The following FHIT variants were observed in gnomAD, a reference collection of about 807,000 sequenced individuals.
The protein encoded by FHIT is bis(5'-adenosyl)-triphosphatase.
A neutral mutation model predicts 17.9 loss-of-function variants in FHIT; 19 were observed. That is an observed-to-expected ratio of 1.06 (90% confidence interval 0.74 to 1.56). The LOEUF (loss-of-function observed/expected upper bound fraction) is 1.56, where lower values mean the gene tolerates loss of function less well. FHIT is among the 40% of genes most tolerant of loss of function. The pLI, the probability that FHIT is intolerant of heterozygous loss-of-function variation, is 0.00. For missense variants in FHIT, 248 were observed against 189.2 expected (o/e 1.31, Z -1.82); for synonymous variants, 81 against 69.7 (o/e 1.16, Z -0.81).
chr3:59,908,883 T>C (rs949550318), intron 8 of FHIT, among the ~76,000 whole-genome samples: 5 of 135,868 alleles, frequency 3.7e-5, no homozygotes, highest in Non-Finnish European at 6.5e-5. Context: ...AAAGTAATCA[T>C]TGTTATACTT....
At chr3:60,119,991 T>G (rs1705173071) in intron 5 of FHIT, among the ~76,000 whole-genome samples, 1 of 151,684 alleles carries the variant, frequency 6.6e-6, no homozygotes, top group Non-Finnish European at 1.5e-5. Context: ...CATCAGCTGC[T>G]TCTTCCCTGC....
At chr3:60,979,968 G>C (rs749638388) in intron 3 of FHIT, among the ~76,000 whole-genome samples, 19 of 152,212 alleles carry the variant, frequency 1.2e-4, no homozygotes, top group Admixed American at 3.3e-4. Flanking sequence ...CTCATCTGCT[G>C]TTTAGAGAAA....
At chr3:60,417,556 T>A (rs1375285377) in intron 5 of FHIT, among the ~76,000 whole-genome samples, 1 of 152,160 alleles carries the variant, frequency 6.6e-6, no homozygotes, top group Non-Finnish European at 1.5e-5. Context: ...AAAGAACACA[T>A]AATTAAAAGC....
At chr3:60,512,921 A>C (rs1337889833) in intron 5 of FHIT, among the ~76,000 whole-genome samples, 1 of 152,352 alleles carries the variant, frequency 6.6e-6, no homozygotes, top group African/African-American at 2.4e-5. Context: ...AACCAAAAGC[A>C]ATTTAGGAAC....
chr3:61,020,286 C>G (rs1041659395), intron 3 of FHIT, among the ~76,000 whole-genome samples: 1 of 152,166 alleles, frequency 6.6e-6, no homozygotes, highest in Non-Finnish European at 1.5e-5. Flanking sequence ...CTCTAATGAC[C>G]AGTGATGATG....
intron 4 of FHIT, among the ~76,000 whole-genome samples, chr3:60,785,113 A>G (rs1454775087): frequency 6.6e-6 from 1 of 152,236 alleles, no homozygotes; most frequent in Non-Finnish European, 1.5e-5. Context: ...TGTAACTGGA[A>G]TGGACTCAGG....
At chr3:60,136,601 T>C (rs531352188) in intron 5 of FHIT, among the ~76,000 whole-genome samples, 1 of 152,236 alleles carries the variant, frequency 6.6e-6, no homozygotes, top group South Asian at 2.1e-4. Flanking sequence ...TTTTAGACTA[T>C]GCTCACAAAT....
intron 3 of FHIT, among the ~76,000 whole-genome samples, chr3:60,925,969 A>C (rs1345748939): frequency 3.9e-5 from 6 of 152,246 alleles, no homozygotes; most frequent in Non-Finnish European, 8.8e-5. Flanking sequence ...AGGCCATTAC[A>C]TAATGGTAAA....
At position 59,869,514 on chromosome 3, in the gene FHIT, C is replaced by T. The variant is rs1255319810; in HGVS notation, c.348+52832G>A. 5.8e-5 allele frequency among the ~76,000 whole-genome samples: 3 copies of T among 51,916 alleles called. No homozygotes were observed. In the East Asian group the frequency reaches 2.9e-3, roughly 51 times the overall value. 34.1% of individuals were successfully genotyped at this position (51,916 alleles called of 152,430 possible). ...TTTTTTTTTTTTAGACAGAGTCTCG[C>T]TCTGTCGCCCAGGCTGGAGTGCAGT... is the stretch of plus-strand genomic sequence containing the variant. On this transcript the variant is annotated intron_variant, in intron 8 of 9. Coordinates refer to ENST00000492590, the MANE Select transcript of FHIT (RefSeq NM_002012.4).
chr3:59,808,953 G>A (rs868189854), intron 8 of FHIT, among the ~76,000 whole-genome samples: 4 of 152,108 alleles, frequency 2.6e-5, no homozygotes, highest in Non-Finnish European at 4.4e-5. Flanking sequence ...ATTTTAAAAA[G>A]CAGAGAGGAA....
At chr3:60,321,533 A>G (rs213384) in intron 5 of FHIT, among the ~76,000 whole-genome samples, 110,569 of 152,010 alleles carry the variant, frequency 0.73, 41,371 homozygotes, top group African/African-American at 0.84. Flanking sequence ...TAAGAGATGC[A>G]TAATCAGGCA....
intron 4 of FHIT, among the ~76,000 whole-genome samples, chr3:60,657,244 C>A (rs563967540): frequency 6.6e-6 from 1 of 152,224 alleles, no homozygotes; most frequent in South Asian, 2.1e-4. Flanking sequence ...GAGGTGAGGA[C>A]ATTTCTTTGA....
At chr3:60,178,022 G>C (rs1701758071) in intron 5 of FHIT, among the ~76,000 whole-genome samples, 1 of 152,334 alleles carries the variant, frequency 6.6e-6, no homozygotes, top group East Asian at 1.9e-4. Context: ...GACAAGATTG[G>C]TTTCATACCT....
In FHIT at chr3:60,014,015, A is replaced by G. The variant is rs536941406; in HGVS notation, c.241T>C (p.Ser81Pro). Residue 81 changes from serine (S) to proline (P), a missense_variant, in exon 6 of 10, where the codon TCC (serine) becomes CCC (proline). By Grantham distance (74) the Ser-to-Pro change is moderately conservative. Transcript: ENST00000492590. ...KHFHGTSLTF[S>P]MQDGPEAGQT... ...GAAATCTGTACACTCACCTGCATGG[A>G]AAAGGTGAGAGAGGTCCCATGGAAA... The G allele has an allele frequency of 6.2e-7, 1 of 1,613,442 alleles. No homozygotes were observed. Among genetic ancestry groups the G allele is most frequent in the African/African-American group, 1.3e-5 (1 of 75,032 alleles).
intron 5 of FHIT, among the ~76,000 whole-genome samples, chr3:60,482,625 C>T (rs1379085893): frequency 6.6e-6 from 1 of 152,022 alleles, no homozygotes; most frequent in Non-Finnish European, 1.5e-5. Context: ...TTCTTTGAAA[C>T]CAATGAGAAC....
intron 3 of FHIT, among the ~76,000 whole-genome samples, chr3:60,884,329 A>G (rs1297675357): frequency 2.0e-5 from 3 of 152,184 alleles, no homozygotes; most frequent in East Asian, 3.8e-4. Context: ...AACTAAAAAT[A>G]TCTACAATGT....
intron 2 of FHIT, among the ~76,000 whole-genome samples, chr3:61,064,646 C>T (rs2034539580): frequency 1.3e-5 from 2 of 152,110 alleles, no homozygotes; most frequent in African/African-American, 4.8e-5. Flanking sequence ...ACAGAGTGTG[C>T]AACTAGATGT....
intron 5 of FHIT, among the ~76,000 whole-genome samples, chr3:60,447,546 A>T (rs1046704308): frequency 6.6e-6 from 1 of 152,160 alleles, no homozygotes; most frequent in African/African-American, 2.4e-5. Flanking sequence ...GCAGGCCTCA[A>T]AGAAACTTCA....
chr3:60,389,656 A>G (rs146426190), intron 5 of FHIT, among the ~76,000 whole-genome samples: 108 of 152,304 alleles, frequency 7.1e-4, no homozygotes, highest in African/African-American at 2.4e-3. Flanking sequence ...ACCCCTCAAC[A>G]TAAGTGTTAT....
Sources: allele counts gnomAD v4.1 joint callset (sites outside exome capture counted in the v4.1 genomes callset), GRCh38; gene constraint gnomAD v4.1.1; transcripts MANE v1.5; gene names NCBI Gene and HGNC (gene_info 2026-07-23, HGNC 2026-07-21).